SBNO1: variants seen among roughly 807,000 people sequenced by gnomAD.
The protein encoded by SBNO1 is protein strawberry notch homolog 1.
Under a neutral mutation model 173.6 loss-of-function variants are expected in SBNO1, and 23 were observed. The ratio of observed to expected loss-of-function variants is 0.13; its 90% CI spans 0.10 to 0.19. The LOEUF (loss-of-function observed/expected upper bound fraction) is 0.19, where lower values mean the gene tolerates loss of function less well. SBNO1 is among the 10% of genes least tolerant of loss of function. The pLI is 1.00. For missense variants in SBNO1, 1,238 were observed against 1,671.2 expected, an observed-to-expected ratio of 0.74 and a Z score of 4.52; for synonymous variants, 632 against 571.5, an observed-to-expected ratio of 1.11 and a Z score of -1.51.
intron 9 of SBNO1, among the ~76,000 whole-genome samples, chr12:123,329,523 CTG>C (rs1434383264): frequency 6.6e-6 from 1 of 151,842 alleles, no homozygotes; most frequent in Non-Finnish European, 1.5e-5. Context: ...ATGCAAAACA[CTG>C]TGATTAATTT....
intron 5 of SBNO1, 74 bp from the exon 6 acceptor site, chr12:123,336,565 C>G: frequency 1.2e-6 from 1 of 850,920 alleles, no homozygotes; most frequent in Middle Eastern, 2.2e-4. Context: ...GAAAAACTCT[C>G]TTGTAGGAAC....
chr12:123,326,103 C>CTAACCAA, intron 14 of SBNO1, 49 bp downstream of exon 14: 1 of 1,282,478 alleles, frequency 7.8e-7, no homozygotes, highest in Non-Finnish European at 1.0e-6. Flanking sequence ...CCCACAAAGA[C>CTAACCAA]TAAACAACAT....
chr12:123,330,485 C>T lies in SBNO1; in HGVS notation c.1068G>A (p.Lys356=), dbSNP rs569241457. The T allele has an allele frequency of 2.1e-5, 33 of 1,600,070 alleles. No individual in the cohort carries two copies. The East Asian group carries it at 3.8e-4, about 18-fold the overall frequency. Residue 356 remains lysine, a synonymous_variant, in exon 9 of 32, where the codon AAG becomes AAA. Transcript: ENST00000602398. ...ALWFSVSNDL[K]YDAERDLRDI... ...CCCTTAAATCTCTTTCAGCATCATA[C>T]TTTAAGTCATTTGAAACACTAAACC...
intron 10 of SBNO1, among the ~76,000 whole-genome samples, chr12:123,328,414 G>A (rs1445159767): frequency 6.6e-6 from 1 of 152,166 alleles, no homozygotes; most frequent in Non-Finnish European, 1.5e-5. Flanking sequence ...GGACCACTAA[G>A]TTCTAACAGT....
chr12:123,347,246 A>G (rs1485253142), intron 3 of SBNO1, among the ~76,000 whole-genome samples: 3 of 151,926 alleles, frequency 2.0e-5, no homozygotes, highest in Admixed American at 1.3e-4. Flanking sequence ...GTTGTTGTTG[A>G]GACAGAGTCT....
chr12:123,304,836 C>T (rs1011284107), intron 28 of SBNO1, 117 bp from the exon 29 acceptor site: 28 of 707,196 alleles, frequency 4.0e-5, no homozygotes, highest in South Asian at 2.5e-4. Flanking sequence ...AGTAAGTACA[C>T]GGTAACTTCA....
chr12:123,361,729 T>TAAAAAAAA (rs10649364), intron 1 of SBNO1, among the ~76,000 whole-genome samples: 1 of 133,762 alleles, frequency 7.5e-6, no homozygotes, highest in Non-Finnish European at 1.6e-5. Context: ...CAAGACAGTC[T>TAAAAAAAA]AAAAAAAAAA....
intron 30 of SBNO1, among the ~76,000 whole-genome samples, chr12:123,302,402 C>T (rs183708323): frequency 6.4e-4 from 97 of 152,070 alleles, no homozygotes; most frequent in African/African-American, 1.7e-3. Flanking sequence ...GCCATCACAC[C>T]GGCTAATTGT....
chr12:123,311,398 G>A (rs796565083), intron 24 of SBNO1, among the ~76,000 whole-genome samples: 2 of 151,536 alleles, frequency 1.3e-5, no homozygotes, highest in East Asian at 1.9e-4. Context: ...TTTTTGAGAC[G>A]GAGTCTCACT....
intron 9 of SBNO1, 97 bp from the exon 10 acceptor site, chr12:123,328,992 G>A (rs1292049764): frequency 1.5e-6 from 1 of 657,688 alleles, no homozygotes; most frequent in East Asian, 2.9e-5. Flanking sequence ...CTCTTGTTAG[G>A]CCCATGACAG....
rs1246973931 is a variant in SBNO1, at chr12:123,289,135, C to T, written c.*6773G>A. Reference sequence around the variant, plus strand: ...GACTCGTATTTAATTTATTTAGAATCTTACAAAAACAAAAAACAAAACAAA... The same window carrying T: ...GACTCGTATTTAATTTATTTAGAATTTTACAAAAACAAAAAACAAAACAAA... On this transcript the variant is annotated 3_prime_UTR_variant, in exon 32 of 32. Transcript: ENST00000602398. The T allele has an allele frequency of 6.6e-6, 1 of 151,882 alleles. No homozygotes were observed. The highest frequency in any genetic ancestry group is 1.5e-5 in the Non-Finnish European group (1 of 67,976). The allele number at this position is 151,882 out of a possible 1,614,324, so 9.4% of individuals were successfully genotyped here. A position where few individuals can be genotyped will look rare whatever the true frequency, so the allele number is the denominator to read the frequency against.
chr12:123,336,730 G>A (rs115735522), intron 5 of SBNO1, among the ~76,000 whole-genome samples: 1,615 of 152,242 alleles, frequency 0.011, 12 homozygotes, highest in Non-Finnish European at 0.013. Flanking sequence ...AAGACTCCAC[G>A]TCCTTCCGGC....
intron 15 of SBNO1, among the ~76,000 whole-genome samples, chr12:123,324,579 C>T (rs551536038): frequency 6.6e-5 from 10 of 152,144 alleles, no homozygotes; most frequent in Admixed American, 5.2e-4. Flanking sequence ...GACTCAGCCT[C>T]CCAAAGTGCC....
intron 5 of SBNO1, 34 bp downstream of exon 5, chr12:123,340,954 C>T (rs1202465177): frequency 1.5e-6 from 2 of 1,305,624 alleles, no homozygotes; most frequent in East Asian, 2.3e-5. Flanking sequence ...TCTCATACTA[C>T]ACAAAAATAA....
Position 123,350,420 on chromosome 12 carries a change from A to T in SBNO1, c.22T>A (p.Leu8Ile). The T allele has an allele frequency of 6.2e-7, 1 of 1,613,960 alleles. No individual in the cohort carries two copies. The highest frequency in any genetic ancestry group is 8.5e-7 in the Non-Finnish European group (1 of 1,179,820). MVEPGQDLLLAALSESGI... is the reference protein window; with the variant it reads MVEPGQDILLAALSESGI... ...CTCTCACTCAAAGCAGCAAGCAGTA[A>T]ATCTTGCCCTGGCTCCACCATCTTT... Residue 8 changes from leucine to isoleucine, a missense_variant, in exon 2 of 32, where the codon TTA becomes ATA. Leu to Ile is a conservative substitution (Grantham distance 5). This residue lies in a region of SBNO1 where 287 missense variants were observed against 274.1 expected (regional missense o/e 1.05). Coordinates refer to ENST00000602398, the MANE Select transcript of SBNO1 (RefSeq NM_001167856.3).
In SBNO1 at chr12:123,364,739, G is replaced by A. The variant is rs973888677; in HGVS notation, c.-39C>T. On this transcript the variant is annotated 5_prime_UTR_variant, in exon 1 of 32. Coordinates refer to ENST00000602398, the MANE Select transcript of SBNO1 (RefSeq NM_001167856.3). ...CCCGGCGCCAGCACAGCTCCTCCCGGGAGGTGTGAGTTTGAAGGACCAGAG... is the reference window on the plus strand; with the variant it reads ...CCCGGCGCCAGCACAGCTCCTCCCGAGAGGTGTGAGTTTGAAGGACCAGAG... 1.8e-5 allele frequency: 18 copies of A among 987,798 alleles called. No individual in the cohort carries two copies. The highest frequency in any genetic ancestry group is 1.9e-5 in the Non-Finnish European group (16 of 831,310). 61.2% of individuals were successfully genotyped at this position (987,798 alleles called of 1,614,324 possible). A position where few individuals can be genotyped will look rare whatever the true frequency, so the allele number is the denominator to read the frequency against.
At chr12:123,349,259 C>A (rs1277398405) in intron 2 of SBNO1, among the ~76,000 whole-genome samples, 1 of 151,996 alleles carries the variant, frequency 6.6e-6, no homozygotes, top group Non-Finnish European at 1.5e-5. Context: ...ACAACCACGG[C>A]CACCTAATTT....
At chr12:123,339,961 C>G (rs933374595) in intron 5 of SBNO1, among the ~76,000 whole-genome samples, 2 of 152,160 alleles carry the variant, frequency 1.3e-5, no homozygotes, top group African/African-American at 4.8e-5. Flanking sequence ...TATCCCACCT[C>G]AAAGTCTCGT....
intron 7 of SBNO1, among the ~76,000 whole-genome samples, chr12:123,333,054 G>A (rs1257159860): frequency 6.6e-6 from 1 of 152,124 alleles, no homozygotes; most frequent in Non-Finnish European, 1.5e-5. Flanking sequence ...AACCTGGGAG[G>A]CGGAGGTTCC....
Sources: allele counts gnomAD v4.1 joint callset (sites outside exome capture counted in the v4.1 genomes callset), GRCh38; gene constraint gnomAD v4.1.1; regional missense constraint gnomAD v4.1.1; transcripts MANE v1.5; gene names NCBI Gene and HGNC (gene_info 2026-07-23, HGNC 2026-07-21).